Variants in DSCAM observed in about 807,000 individuals in gnomAD.
The protein encoded by DSCAM is cell adhesion molecule DSCAM.
Under a neutral mutation model 217.7 loss-of-function variants are expected in DSCAM, and 47 were observed. That is an observed-to-expected ratio of 0.22 (90% confidence interval 0.17 to 0.28). DSCAM has a LOEUF of 0.28. Among genes scored for constraint, DSCAM ranks in the 10% least tolerant of loss-of-function variants. The pLI, the probability that DSCAM is intolerant of heterozygous loss-of-function variation, is 1.00. For synonymous variants in DSCAM, 1,056 were observed against 1,015.3 expected (o/e 1.04, Z -0.76); for missense variants, 2,080 against 2,618.3 (o/e 0.79, Z 4.49).
chr21:40,622,337 G>A (rs557600499), intron 3 of DSCAM, among the ~76,000 whole-genome samples: 1 of 152,098 alleles, frequency 6.6e-6, no homozygotes, highest in African/African-American at 2.4e-5. Flanking sequence ...GACTCTAGAG[G>A]TTATCACATT....
chr21:40,602,909 G>A (rs1432123842), intron 3 of DSCAM, among the ~76,000 whole-genome samples: 2 of 151,942 alleles, frequency 1.3e-5, no homozygotes, highest in East Asian at 1.9e-4. Context: ...GTTTTCTAAG[G>A]TGGAAGCTTC....
chr21:40,240,361 T>TTTTTTTTTTTTTTTTTTTTTTTTTTC (rs2073135029), intron 11 of DSCAM, among the ~76,000 whole-genome samples: 1 of 148,552 alleles, frequency 6.7e-6, no homozygotes, highest in African/African-American at 2.5e-5. Flanking sequence ...TTTTTTTTTT[T>TTTTTTTTTTTTTTTTTTTTTTTTTTC]TTTTTTTTTT....
In DSCAM at chr21:40,278,100, A is replaced by G. The variant is rs990739992; in HGVS notation, c.2183-1830T>C. Among the ~76,000 whole-genome samples the G allele has an allele frequency of 6.6e-5, 10 of 152,094 alleles. No homozygotes were observed. In the South Asian group the frequency reaches 1.9e-3, roughly 28 times the overall value. ...TATTTATGTATAATAGTAACAACCAATTGGGAATAAAAATTAAAAAGAAAA... is the reference window on the plus strand; with the variant it reads ...TATTTATGTATAATAGTAACAACCAGTTGGGAATAAAAATTAAAAAGAAAA... On this transcript the variant is annotated intron_variant, in intron 10 of 32. Transcript: ENST00000400454.
At chr21:40,676,831 C>T (rs9982995) in intron 3 of DSCAM, among the ~76,000 whole-genome samples, 70,329 of 151,840 alleles carry the variant, frequency 0.46, 16,683 homozygotes, top group East Asian at 0.59. Context: ...CCTAGAATAA[C>T]TTTTTTAAAG....
chr21:40,342,643 TATATA>T (rs1337229841), intron 6 of DSCAM, among the ~76,000 whole-genome samples: 6 of 105,562 alleles, frequency 5.7e-5, no homozygotes, highest in African/African-American at 1.9e-4. Flanking sequence ...TATATATATA[TATATA>T]TTTTTTTTTT....
At chr21:40,548,659 C>T (rs2076604589) in intron 3 of DSCAM, among the ~76,000 whole-genome samples, 1 of 152,058 alleles carries the variant, frequency 6.6e-6, no homozygotes, top group Non-Finnish European at 1.5e-5. Flanking sequence ...CTCTTACTTT[C>T]CTTCTCAATT....
intron 1 of DSCAM, among the ~76,000 whole-genome samples, chr21:40,804,632 T>A (rs2091770128): frequency 6.6e-6 from 1 of 152,136 alleles, no homozygotes; most frequent in Non-Finnish European, 1.5e-5. Flanking sequence ...CCCTGCCCAC[T>A]TGGTTTTCGA....
At chr21:40,475,084 G>A (rs1821175416) in intron 3 of DSCAM, among the ~76,000 whole-genome samples, 1 of 152,186 alleles carries the variant, frequency 6.6e-6, no homozygotes, top group African/African-American at 2.4e-5. Context: ...AAGGTTTCCA[G>A]AAGTTTCTCC....
At chr21:40,447,846 A>T (rs377316651) in intron 3 of DSCAM, among the ~76,000 whole-genome samples, 11 of 152,334 alleles carry the variant, frequency 7.2e-5, no homozygotes, top group African/African-American at 2.6e-4. Flanking sequence ...CGTGATGCTT[A>T]TATCGATCAA....
Position 40,051,615 on chromosome 21 carries a change from A to G in DSCAM, c.5185+343T>C, listed in dbSNP as rs935863253. The stretch of plus-strand genomic sequence containing the variant: ...CAGGATTGTTGCAAAGATAACGTGC[A>G]TGACATCATCGTTCTATCCCAATAC... On this transcript the variant is annotated intron_variant, in intron 30 of 32. Transcript: ENST00000400454. Among the ~76,000 whole-genome samples the G allele has an allele frequency of 3.9e-5, 6 of 152,246 alleles. No individual in the cohort carries two copies. In the East Asian group the frequency reaches 7.7e-4, roughly 20 times the overall value.
At chr21:40,163,224 T>G (rs905567896) in intron 16 of DSCAM, among the ~76,000 whole-genome samples, 2 of 152,114 alleles carry the variant, frequency 1.3e-5, no homozygotes, top group Non-Finnish European at 2.9e-5. Context: ...AGAGACACTT[T>G]AGGAGATAAA....
At chr21:40,175,788 C>A (rs1177205405) in intron 15 of DSCAM, among the ~76,000 whole-genome samples, 1 of 100,684 alleles carries the variant, frequency 9.9e-6, no homozygotes, top group African/African-American at 3.9e-5. Flanking sequence ...CATACACACA[C>A]ACACACACAC....
chr21:40,213,125 C>T (rs903444166), intron 11 of DSCAM, among the ~76,000 whole-genome samples: 5 of 152,204 alleles, frequency 3.3e-5, no homozygotes, highest in Non-Finnish European at 5.9e-5. Flanking sequence ...ACCTAAGAAA[C>T]GGATGCCATC....
chr21:40,734,622 G>A (rs974729742), intron 1 of DSCAM, among the ~76,000 whole-genome samples: 1 of 152,180 alleles, frequency 6.6e-6, no homozygotes, highest in African/African-American at 2.4e-5. Flanking sequence ...TTGTCGGAGA[G>A]GTCTACAGAT....
intron 3 of DSCAM, among the ~76,000 whole-genome samples, chr21:40,396,088 T>A: frequency 6.6e-6 from 1 of 152,094 alleles, no homozygotes; most frequent in East Asian, 1.9e-4. Flanking sequence ...GCCGACAGGG[T>A]TCCTAAATCG....
intron 26 of DSCAM, among the ~76,000 whole-genome samples, chr21:40,075,424 A>G (rs2089352462): frequency 6.6e-6 from 1 of 152,180 alleles, no homozygotes; most frequent in Non-Finnish European, 1.5e-5. Context: ...TCTATAGTGC[A>G]CGTTTGAAAA....
At chr21:40,453,920 A>G (rs978585945) in intron 3 of DSCAM, among the ~76,000 whole-genome samples, 1 of 152,188 alleles carries the variant, frequency 6.6e-6, no homozygotes, top group Non-Finnish European at 1.5e-5. Flanking sequence ...AGCAGGGGAT[A>G]TGTCCTTGGC....
intron 1 of DSCAM, among the ~76,000 whole-genome samples, chr21:40,730,772 G>C (rs1262981150): frequency 6.6e-6 from 1 of 152,210 alleles, no homozygotes; most frequent in Non-Finnish European, 1.5e-5. Context: ...AGTAGATTTA[G>C]AGTATTTGCA....
chr21:40,326,651 G>A (rs1440016304), intron 8 of DSCAM, among the ~76,000 whole-genome samples: 1 of 152,162 alleles, frequency 6.6e-6, no homozygotes, highest in Non-Finnish European at 1.5e-5. Flanking sequence ...TTGTATGTAT[G>A]TCAGACAGAG....
Sources: gnomAD v4.1 joint callset for allele counts (sites outside exome capture counted in the v4.1 genomes callset) on GRCh38, gnomAD v4.1.1 for gene constraint, MANE v1.5 for transcripts, NCBI Gene and HGNC (gene_info 2026-07-23, HGNC 2026-07-21) for gene names.